The following BPTF variants were observed in gnomAD, a reference collection of about 807,000 sequenced individuals.
The protein encoded by BPTF is nucleosome-remodeling factor subunit BPTF.
BPTF carries 18 observed loss-of-function variants against 292.5 expected under a neutral mutation model. The ratio of observed to expected loss-of-function variants is 0.06; its 90% CI spans 0.04 to 0.09. BPTF has a LOEUF of 0.09. Among genes scored for constraint, BPTF ranks in the 10% least tolerant of loss-of-function variants. BPTF has a pLI of 1.00. For missense variants in BPTF, 2,726 were observed against 3,498.7 expected (o/e 0.78, Z 5.57); for synonymous variants, 1,225 against 1,251.9 (o/e 0.98, Z 0.45).
At chr17:67,935,481 A>G (rs1476787231) in intron 18 of BPTF, among the ~76,000 whole-genome samples, 1 of 152,154 alleles carries the variant, frequency 6.6e-6, no homozygotes, top group African/African-American at 2.4e-5. Context: ...ACAAGTAATA[A>G]TAATTACAAA....
chr17:67,857,830 C>T (rs1430530017), intron 2 of BPTF, among the ~76,000 whole-genome samples: 5 of 146,102 alleles, frequency 3.4e-5, no homozygotes, highest in Non-Finnish European at 6.0e-5. Context: ...TCTGTTGCCC[C>T]GGCTAGAGTA....
intron 27 of BPTF, among the ~76,000 whole-genome samples, chr17:67,981,981 ACAAATATATAT>A (rs2070438198): frequency 3.1e-5 from 3 of 97,634 alleles, no homozygotes; most frequent in African/African-American, 1.1e-4. Context: ...TCTTTATTAG[ACAAATATATAT>A]ATATATATAT....
Position 67,912,897 on chromosome 17 carries a change from A to C in BPTF, c.5013A>C (p.Thr1671=), listed in dbSNP as rs377610827. Residue 1671 remains threonine (T), a synonymous_variant, in exon 11 of 28, where the codon ACA becomes ACC. Transcript: ENST00000306378. ...VTDSLTTTGG[T]LVTSMTVSKE... ...ACTCCCTGACCACCACGGGAGGCAC[A>C]CTGGTTACATCTATGACTGTGAGCA... 1 of 1,614,218 alleles carries C rather than the reference A, an allele frequency of 6.2e-7. No homozygotes were observed.
chr17:67,917,232 G>A (rs1196262066), intron 11 of BPTF, among the ~76,000 whole-genome samples: 3 of 148,420 alleles, frequency 2.0e-5, no homozygotes, highest in Non-Finnish European at 3.0e-5. Flanking sequence ...CTCTGGGTTC[G>A]AGCTATTCTT....
chr17:67,901,971 G>C (rs952288230), intron 7 of BPTF, among the ~76,000 whole-genome samples: 1 of 152,196 alleles, frequency 6.6e-6, no homozygotes, highest in Non-Finnish European at 1.5e-5. Flanking sequence ...ACAAAACCCT[G>C]AGCACCAGTG....
intron 15 of BPTF, 149 bp from the exon 16 acceptor site, chr17:67,928,205 TG>T: frequency 1.2e-6 from 1 of 861,480 alleles, no homozygotes. Context: ...TAAATTTATA[TG>T]GACATATATT....
chr17:67,882,078 G>A (rs1418674845), intron 4 of BPTF, among the ~76,000 whole-genome samples: 1 of 151,864 alleles, frequency 6.6e-6, no homozygotes, highest in Non-Finnish European at 1.5e-5. Flanking sequence ...CAGGTGATCC[G>A]CCCACTTCAG....
rs782403455 is a variant in BPTF at position 67,946,155 on chromosome 17, A to C, written c.7447A>C (p.Thr2483Pro). The change falls in exon 21 of 28, where the codon ACT (threonine) becomes CCT (proline). Residue 2483 changes from threonine (T) to proline (P), a missense_variant. By Grantham distance (38) the Thr-to-Pro change is conservative. This residue lies in a region of BPTF where 570 missense variants were observed against 633.5 expected (regional missense o/e 0.90). Transcript: ENST00000306378. Reference protein sequence around the residue: ...IQIQQSSAVQTHQIQNVVTVQ... With the variant: ...IQIQQSSAVQPHQIQNVVTVQ... ...AATTCAGCAAAGCAGTGCTGTGCAG[A>C]CTCACCAGATTCAGAATGTGGTTAC... The C allele has an allele frequency of 6.2e-7, 1 of 1,614,148 alleles. No homozygotes were observed.
chr17:67,862,255 C>T (rs960269879), intron 2 of BPTF, among the ~76,000 whole-genome samples: 5 of 152,150 alleles, frequency 3.3e-5, no homozygotes, highest in Admixed American at 6.5e-5. Flanking sequence ...GGATTACAGG[C>T]GTGAGCCATC....
intron 1 of BPTF, 34 bp from the exon 2 acceptor site, chr17:67,853,906 T>C: frequency 6.6e-7 from 1 of 1,523,092 alleles, no homozygotes; most frequent in Non-Finnish European, 9.0e-7. Context: ...ATGTAATGTA[T>C]TGATTTGTAA....
Position 67,903,804 on chromosome 17 carries a change from A to G in BPTF, c.2559A>G (p.Thr853=). Reference sequence around the variant, plus strand: ...GAATTCTTAGGTTACACCGGATGACATCAATTGAAAGAGAAGAAAAGGAGA... The same window carrying G: ...GAATTCTTAGGTTACACCGGATGACGTCAATTGAAAGAGAAGAAAAGGAGA... ...SLGHTRLHRM[T]SIEREEKEKV... is the part of the protein sequence containing the mutation. The change falls in exon 8 of 28, where the codon ACA becomes ACG. Residue 853 remains threonine (T), a synonymous_variant. Transcript: ENST00000306378. The G allele has an allele frequency of 6.4e-7, 1 of 1,570,294 alleles. No individual in the cohort carries two copies. Among genetic ancestry groups the G allele is most frequent in the Non-Finnish European group, 8.6e-7 (1 of 1,162,900 alleles).
intron 5 of BPTF, among the ~76,000 whole-genome samples, chr17:67,892,304 A>C (rs1422571177): frequency 6.6e-6 from 1 of 152,226 alleles, no homozygotes; most frequent in Non-Finnish European, 1.5e-5. Context: ...TTCTACATAT[A>C]ATTCTAAAGA....
chr17:67,963,438 T>C (rs1555685074), intron 24 of BPTF: 1 of 1,536,246 alleles, frequency 6.5e-7, no homozygotes, highest in East Asian at 2.4e-5. Context: ...GTAATGATTG[T>C]AAACGGGCAC....
chr17:67,973,202 G>A (rs964030018), intron 26 of BPTF, among the ~76,000 whole-genome samples: 30 of 150,048 alleles, frequency 2.0e-4, no homozygotes, highest in Non-Finnish European at 3.6e-4. Context: ...GTGAAACCCC[G>A]TCTCTACTAA....
chr17:67,849,883 G>A (rs995407371), intron 1 of BPTF, among the ~76,000 whole-genome samples: 1 of 152,122 alleles, frequency 6.6e-6, no homozygotes, highest in Non-Finnish European at 1.5e-5. Context: ...AGACGTTGCA[G>A]TGAGCTGAGA....
At chr17:67,929,756 G>A (rs1385560357) in intron 17 of BPTF, among the ~76,000 whole-genome samples, 2 of 152,164 alleles carry the variant, frequency 1.3e-5, no homozygotes, top group Admixed American at 1.3e-4. Flanking sequence ...ATTTCTTTAT[G>A]TAAAACAGTG....
At chr17:67,906,375 G>A (rs1289629253) in intron 9 of BPTF, among the ~76,000 whole-genome samples, 2 of 152,080 alleles carry the variant, frequency 1.3e-5, no homozygotes, top group African/African-American at 4.8e-5. Context: ...ACTGCGCCTG[G>A]CCTATAAATA....
intron 11 of BPTF, among the ~76,000 whole-genome samples, chr17:67,917,129 TC>T (rs1462028035): frequency 7.3e-6 from 1 of 137,046 alleles, no homozygotes; most frequent in Non-Finnish European, 1.5e-5. Context: ...TATGGTATTG[TC>T]CTTTTTTTTT....
At chr17:67,940,724 C>A in intron 19 of BPTF, 68 bp downstream of exon 19, 1 of 1,487,430 alleles carries the variant, frequency 6.7e-7, no homozygotes, top group Non-Finnish European at 9.2e-7. Flanking sequence ...AGTTTAAAAA[C>A]ATGAACTTAT....
Sources: gnomAD v4.1 joint callset for allele counts (sites outside exome capture counted in the v4.1 genomes callset) on GRCh38, gnomAD v4.1.1 for gene constraint, gnomAD v4.1.1 regional missense constraint, MANE v1.5 for transcripts, NCBI Gene and HGNC (gene_info 2026-07-23, HGNC 2026-07-21) for gene names.